Variants in ANK2 observed in about 807,000 individuals in gnomAD.
ANK2 encodes the protein ankyrin-2.
ANK2 carries 83 observed loss-of-function variants against 360.5 expected under a neutral mutation model. The observed-to-expected ratio is 0.23, with a 90% CI of 0.19 to 0.28. ANK2 has a LOEUF of 0.28. ANK2 is among the 10% of genes least tolerant of loss of function. ANK2 has a pLI of 1.00. For missense variants in ANK2, 4,201 were observed against 4,795.7 expected, an observed-to-expected ratio of 0.88 and a Z score of 3.66; for synonymous variants, 1,740 against 1,759.5, an observed-to-expected ratio of 0.99 and a Z score of 0.28.
At chr4:112,928,451 A>AT (rs1041712831) in intron 2 of ANK2, among the ~76,000 whole-genome samples, 1 of 152,074 alleles carries the variant, frequency 6.6e-6, no homozygotes, top group Non-Finnish European at 1.5e-5. Flanking sequence ...CTAAGATAGA[A>AT]TTTTTTGGCA....
chr4:113,059,886 C>G (rs657141), intron 1 of ANK2, among the ~76,000 whole-genome samples: 7,711 of 152,060 alleles, frequency 0.051, 234 homozygotes, highest in Admixed American at 0.083. Context: ...ATCTAGCCAC[C>G]AATATCCCAT....
the ANK2 span, among the ~76,000 whole-genome samples, chr4:112,775,798 A>G: frequency 1.3e-5 from 2 of 152,160 alleles, no homozygotes; most frequent in Non-Finnish European, 2.9e-5. Flanking sequence ...CCAGGTATAT[A>G]GGTTTGAGTA....
In ANK2 at chr4:113,330,447, A is replaced by T. The variant is rs2092090662; in HGVS notation, c.3102A>T (p.Gly1034=). The T allele has an allele frequency of 6.2e-7, 1 of 1,614,052 alleles. No individual in the cohort carries two copies. The highest frequency in any genetic ancestry group is 1.1e-5 in the South Asian group (1 of 91,082). Residue 1034 remains glycine, a synonymous_variant, in exon 27 of 46, where the codon GGA becomes GGT. Transcript: ENST00000357077. ...TGGCCAGTCGCCTGATCGAAGTTGG[A>T]CCTTCTGGTGCTCAGTTCCTTGGGT... ...EGLASRLIEV[G]PSGAQFLGKL...
intron 34 of ANK2, among the ~76,000 whole-genome samples, chr4:113,343,872 A>C (rs1029020910): frequency 2.0e-5 from 3 of 152,184 alleles, no homozygotes; most frequent in African/African-American, 4.8e-5. Context: ...CTAACGCTCA[A>C]TCCTCTTAGG....
At chr4:112,766,116 G>A in the ANK2 span, among the ~76,000 whole-genome samples, 4 of 152,076 alleles carry the variant, frequency 2.6e-5, no homozygotes, top group Non-Finnish European at 5.9e-5. Flanking sequence ...GGGCAGATCC[G>A]AGGTCAGGAG....
chr4:113,246,581 G>T (rs571094228), intron 9 of ANK2, among the ~76,000 whole-genome samples: 2 of 151,926 alleles, frequency 1.3e-5, no homozygotes, highest in Admixed American at 6.6e-5. Flanking sequence ...TTTAAATGTG[G>T]TGATACCGCA....
the ANK2 span, among the ~76,000 whole-genome samples, chr4:112,770,881 CA>C: frequency 1.3e-5 from 2 of 152,200 alleles, no homozygotes; most frequent in Non-Finnish European, 2.9e-5. Context: ...CTTGCGACTG[CA>C]GTTTGAAAAC....
intron 1 of ANK2, among the ~76,000 whole-genome samples, chr4:112,873,558 A>G (rs1325414142): frequency 7.3e-6 from 1 of 137,824 alleles, no homozygotes; most frequent in East Asian, 2.1e-4. Flanking sequence ...TTTTTTTGAG[A>G]TGGAGTCCCG....
intron 38 of ANK2, 137 bp from the exon 39 acceptor site, chr4:113,360,686 T>C: frequency 2.6e-6 from 2 of 762,544 alleles, no homozygotes; most frequent in South Asian, 3.0e-5. Context: ...AGACACACAA[T>C]ATGATCTGAA....
chr4:113,237,028 C>T lies in ANK2; in HGVS notation c.525C>T (p.His175=). 6.2e-7 allele frequency: 1 copy of T among 1,614,212 alleles called. No individual in the cohort carries two copies. The highest frequency in any genetic ancestry group is 8.5e-7 in the Non-Finnish European group (1 of 1,180,038). The change falls in exon 6 of 46, where the codon CAC becomes CAT. Residue 175 remains histidine, a synonymous_variant. Coordinates refer to ENST00000357077, the MANE Select transcript of ANK2 (RefSeq NM_001148.6). ...TPLAVALQQG[H]NQAVAILLEN... ...TAGCTGTGGCACTCCAGCAAGGACA[C>T]AACCAGGCGGTGGCCATCCTCTTGG...
At chr4:112,865,963 A>C (rs1189703068) in intron 1 of ANK2, among the ~76,000 whole-genome samples, 3 of 152,176 alleles carry the variant, frequency 2.0e-5, no homozygotes, top group Non-Finnish European at 4.4e-5. Flanking sequence ...GTGTGAAATA[A>C]AGATTTGTTA....
chr4:113,047,040 A>T (rs759019831), upstream of ANK2, among the ~76,000 whole-genome samples: 1 of 152,212 alleles, frequency 6.6e-6, no homozygotes, highest in Non-Finnish European at 1.5e-5. Flanking sequence ...CATTAACAGC[A>T]TCTCTCTCCT....
intron 11 of ANK2, 124 bp from the exon 12 acceptor site, chr4:113,257,926 C>T: frequency 1.0e-6 from 1 of 970,940 alleles, no homozygotes; most frequent in Non-Finnish European, 1.6e-6. Flanking sequence ...CCAACACCTG[C>T]AGGGATTGAA....
chr4:113,033,292 A>C (rs369624815), intron 2 of ANK2, among the ~76,000 whole-genome samples: 1 of 152,018 alleles, frequency 6.6e-6, no homozygotes, highest in Non-Finnish European at 1.5e-5. Context: ...AGAAATTAAG[A>C]CACTGCAATT....
chr4:113,146,041 G>A lies in ANK2; in HGVS notation c.85-28375G>A, dbSNP rs1409161523. Reference sequence around the variant, plus strand: ...CCACAAAGGAGGAGGAAGGGAGGATGGTGGCATAAGAATCAACAGTAGACC... The same window carrying A: ...CCACAAAGGAGGAGGAAGGGAGGATAGTGGCATAAGAATCAACAGTAGACC... On this transcript the variant is annotated intron_variant, in intron 1 of 45. Transcript: ENST00000357077. 3 of 1,288,844 alleles carry A rather than the reference G, an allele frequency of 2.3e-6. No individual in the cohort carries two copies. In the African/African-American group the frequency reaches 4.5e-5, roughly 20 times the overall value. The allele number at this position is 1,288,844 out of a possible 1,614,324, so 79.8% of individuals were successfully genotyped here. A position where few individuals can be genotyped will look rare whatever the true frequency, so the allele number is the denominator to read the frequency against.
At chr4:112,909,879 C>CA (rs1441267493) in intron 2 of ANK2, among the ~76,000 whole-genome samples, 2 of 152,126 alleles carry the variant, frequency 1.3e-5, no homozygotes, top group Non-Finnish European at 2.9e-5. Context: ...TCCTTTCCCA[C>CA]AATTTCTCCA....
rs549484135 is a variant in ANK2, at chr4:113,111,481, A to C, written c.84+61669A>C. Among the ~76,000 whole-genome samples, 193 of 152,312 alleles carry C rather than the reference A, an allele frequency of 1.3e-3. 2 individuals are homozygous for C. The South Asian group carries it at 0.019, about 15-fold the overall frequency. ...TGAGGGTTAAGAGGCTTGAGATTGA[A>C]TTTTCACATTTTAACCACAATTCAG... On this transcript the variant is annotated intron_variant, in intron 1 of 45. Coordinates refer to ENST00000357077, the MANE Select transcript of ANK2 (RefSeq NM_001148.6).
At chr4:113,360,725 AT>A in intron 38 of ANK2, 97 bp from the exon 39 acceptor site, 3 of 1,079,956 alleles carry the variant, frequency 2.8e-6, no homozygotes, top group Non-Finnish European at 1.4e-6. Flanking sequence ...GCTTTCAAAT[AT>A]TTGGAGAAGT....
the ANK2 span, among the ~76,000 whole-genome samples, chr4:112,805,213 AG>A: frequency 3.9e-5 from 6 of 152,206 alleles, no homozygotes; most frequent in Non-Finnish European, 8.8e-5. Context: ...GTCAAATGAA[AG>A]ACACGTATAA....
Sources: allele counts gnomAD v4.1 joint callset (sites outside exome capture counted in the v4.1 genomes callset), GRCh38; gene constraint gnomAD v4.1.1; transcripts MANE v1.5; gene names NCBI Gene and HGNC (gene_info 2026-07-23, HGNC 2026-07-21).